NRP1: variants seen among roughly 807,000 people sequenced by gnomAD.
The protein encoded by NRP1 is neuropilin-1.
In NRP1, 35 loss-of-function variants were observed where a neutral mutation model predicts 106.7. The observed-to-expected ratio is 0.33, with a 90% CI of 0.25 to 0.43. NRP1 has a LOEUF of 0.43. Ranked by LOEUF, NRP1 falls within the 20% of genes least tolerant of loss-of-function variation. The pLI is 1.00. For synonymous variants in NRP1, 437 were observed against 417.9 expected (o/e 1.05, Z -0.56); for missense variants, 1,024 against 1,170.4 (o/e 0.87, Z 1.83).
chr10:33,254,144 C>T lies in NRP1; in HGVS notation c.865G>A (p.Asp289Asn), dbSNP rs773080378. 2 of 1,613,646 alleles carry T rather than the reference C, an allele frequency of 1.2e-6. No homozygotes were observed. The highest frequency in any genetic ancestry group is 2.7e-5 in the African/African-American group (2 of 74,898). The change falls in exon 6 of 17, where the codon GAC becomes AAC. Residue 289 changes from aspartate to asparagine, a missense_variant. Around this residue, in one of 5 missense-constraint regions of NRP1, gnomAD observed 562 missense variants for 620.3 expected, o/e 0.91. Transcript: ENST00000374867. The part of the protein sequence containing the change: ...LGMESGEIHS[D>N]QITASSQYST... ...TACTGGGAAGAAGCTGTGATCTGGT[C>T]AGAATGAATTTCTCCTGATTCCATG...
chr10:33,239,361 T>C (rs1469227503), intron 6 of NRP1, among the ~76,000 whole-genome samples: 2 of 152,276 alleles, frequency 1.3e-5, no homozygotes, highest in Non-Finnish European at 2.9e-5. Context: ...TCTTAACAGA[T>C]GCTCAATAAA....
rs1848498301 is a variant in NRP1, at chr10:33,334,448, A to G, written c.-66T>C. On this transcript the variant is annotated 5_prime_UTR_variant, in exon 1 of 17. Transcript: ENST00000374867. ...GGACGTGGGGGGAAATGCAGCAAAG[A>G]GGAGAATCTAAGCGATCCGAAGAGC... The G allele has an allele frequency of 2.8e-6, 4 of 1,408,666 alleles. No individual in the cohort carries two copies. In the East Asian group the frequency reaches 7.5e-5, roughly 26 times the overall value. 87.3% of individuals were successfully genotyped at this position (1,408,666 alleles called of 1,614,324 possible). A position where few individuals can be genotyped will look rare whatever the true frequency, so the allele number is the denominator to read the frequency against.
chr10:33,203,478 AT>A (rs1837503473), intron 10 of NRP1, among the ~76,000 whole-genome samples: 1 of 152,156 alleles, frequency 6.6e-6, no homozygotes, highest in African/African-American at 2.4e-5. Context: ...CAACGTTCAC[AT>A]TTAGTGCAAT....
intron 2 of NRP1, among the ~76,000 whole-genome samples, chr10:33,317,039 G>A (rs1057378038): frequency 5.9e-5 from 9 of 152,174 alleles, no homozygotes; most frequent in African/African-American, 2.2e-4. Context: ...GGTCCAAGAA[G>A]GATTTTGCTA....
intron 13 of NRP1, among the ~76,000 whole-genome samples, chr10:33,191,967 G>A (rs1360607384): frequency 8.6e-6 from 1 of 116,660 alleles, no homozygotes; most frequent in Non-Finnish European, 1.6e-5. Flanking sequence ...AACAGTGTGA[G>A]ACTCCATTTC....
At chr10:33,280,322 AACTGTGTTCC>A (rs1844025089) in intron 2 of NRP1, among the ~76,000 whole-genome samples, 1 of 152,228 alleles carries the variant, frequency 6.6e-6, no homozygotes, top group South Asian at 2.1e-4. Flanking sequence ...CCCTTAAAAC[AACTGTGTTCC>A]AGAAGTGATG....
chr10:33,228,141 TA>T (rs35368401), intron 6 of NRP1, among the ~76,000 whole-genome samples: 2 of 151,804 alleles, frequency 1.3e-5, no homozygotes, highest in African/African-American at 2.4e-5. Flanking sequence ...AACACAAGCT[TA>T]AAAAAAAGTC....
At chr10:33,301,912 C>T (rs1845828358) in intron 2 of NRP1, among the ~76,000 whole-genome samples, 1 of 152,004 alleles carries the variant, frequency 6.6e-6, no homozygotes, top group Non-Finnish European at 1.5e-5. Context: ...TTTTCAATAT[C>T]CCAATAATTA....
intron 2 of NRP1, among the ~76,000 whole-genome samples, chr10:33,305,770 T>C (rs1297929794): frequency 6.6e-6 from 1 of 151,880 alleles, no homozygotes; most frequent in Admixed American, 6.6e-5. Context: ...AATCTGTTCT[T>C]TTTTTCTTTT....
At chr10:33,208,881 G>C (rs892904799) in intron 9 of NRP1, among the ~76,000 whole-genome samples, 3 of 148,156 alleles carry the variant, frequency 2.0e-5, no homozygotes, top group African/African-American at 7.5e-5. Flanking sequence ...CTGATAAAAT[G>C]GTCCATTTTA....
At chr10:33,231,572 T>C (rs1334689108) in intron 6 of NRP1, among the ~76,000 whole-genome samples, 1 of 152,200 alleles carries the variant, frequency 6.6e-6, no homozygotes, top group African/African-American at 2.4e-5. Flanking sequence ...TGTGAATATT[T>C]AGGTATTGGA....
In NRP1 at chr10:33,331,592, C is replaced by A. The variant is rs72790263; in HGVS notation, c.74-710G>T. Among the ~76,000 whole-genome samples, 1,260 of 152,302 alleles carry A rather than the reference C, an allele frequency of 8.3e-3. 5 individuals are homozygous for A. Among genetic ancestry groups the A allele is most frequent in the Non-Finnish European group, 0.015 (1,004 of 68,028 alleles). Reference sequence around the variant, plus strand: ...AGCCACATGGCATTAATTCTAATTACCTAAATGTTGGGTGAAAAATAACCC... The same window carrying A: ...AGCCACATGGCATTAATTCTAATTAACTAAATGTTGGGTGAAAAATAACCC... On this transcript the variant is annotated intron_variant, in intron 1 of 16. Transcript: ENST00000374867.
At chr10:33,252,930 T>G (rs1332092618) in intron 6 of NRP1, among the ~76,000 whole-genome samples, 2 of 152,122 alleles carry the variant, frequency 1.3e-5, no homozygotes, top group Non-Finnish European at 2.9e-5. Context: ...AAACAAAATC[T>G]GCTATTTGTG....
chr10:33,256,329 G>A lies in NRP1; in HGVS notation c.801C>T (p.Ser267=). 1 of 1,614,148 alleles carries A rather than the reference G, an allele frequency of 6.2e-7. No individual in the cohort carries two copies. Among genetic ancestry groups the A allele is most frequent in the Non-Finnish European group, 8.5e-7 (1 of 1,179,982 alleles). ...ATAAACACTGACCTTCTGAGACACT[G>A]CTCTGCAAGACACTGTAGTTTGCTG... ...GFSANYSVLQ[S]SVSEDFKCME... Residue 267 remains serine, a synonymous_variant, in exon 5 of 17, where the codon AGC becomes AGT. Transcript: ENST00000374867.
At chr10:33,290,069 A>C (rs1844881439) in intron 2 of NRP1, among the ~76,000 whole-genome samples, 2 of 152,090 alleles carry the variant, frequency 1.3e-5, no homozygotes, top group South Asian at 4.2e-4. Context: ...TTGTTCTTTT[A>C]TTTCTCCCTT....
chr10:33,250,652 A>G (rs1338341103), intron 6 of NRP1, among the ~76,000 whole-genome samples: 1 of 152,242 alleles, frequency 6.6e-6, no homozygotes, highest in African/African-American at 2.4e-5. Context: ...CCTTGTTTCC[A>G]AGCCTGGTCA....
At chr10:33,333,921 A>C (rs1848450425) in intron 1 of NRP1, among the ~76,000 whole-genome samples, 1 of 152,242 alleles carries the variant, frequency 6.6e-6, no homozygotes, top group Admixed American at 6.5e-5. Context: ...GGAACCAGGA[A>C]GTAAGATCTC....
chr10:33,231,677 A>G (rs1840143843), intron 6 of NRP1, among the ~76,000 whole-genome samples: 1 of 152,210 alleles, frequency 6.6e-6, no homozygotes, highest in East Asian at 1.9e-4. Context: ...GAGCAGTAAG[A>G]GTGTGCAAAA....
At chr10:33,204,053 C>T (rs192003039) in intron 10 of NRP1, among the ~76,000 whole-genome samples, 13 of 152,060 alleles carry the variant, frequency 8.5e-5, no homozygotes, top group Admixed American at 6.5e-4. Flanking sequence ...TTTTTTTAGC[C>T]TGTTACTCAT....
Sources: allele counts gnomAD v4.1 joint callset (sites outside exome capture counted in the v4.1 genomes callset), GRCh38; gene constraint gnomAD v4.1.1; regional missense constraint gnomAD v4.1.1; transcripts MANE v1.5; gene names NCBI Gene and HGNC (gene_info 2026-07-23, HGNC 2026-07-21).